The following GALNT16 variants were observed in gnomAD, a reference collection of about 807,000 sequenced individuals.
The protein encoded by GALNT16 is UDP-GalNAc:polypeptide N-acetylgalactosaminyltransferase-like protein 1.
A neutral mutation model predicts 76.1 loss-of-function variants in GALNT16; 40 were observed. The ratio of observed to expected loss-of-function variants is 0.53; its 90% CI spans 0.41 to 0.68. GALNT16 has a LOEUF of 0.68. GALNT16 is among the 30% of genes least tolerant of loss of function. GALNT16 has a pLI of 0.00. For synonymous variants in GALNT16, 276 were observed against 285.2 expected (o/e 0.97, Z 0.32); for missense variants, 621 against 731.9 (o/e 0.85, Z 1.75).
intron 1 of GALNT16, among the ~76,000 whole-genome samples, chr14:69,292,417 A>G (rs932505134): frequency 1.3e-5 from 2 of 152,190 alleles, no homozygotes; most frequent in African/African-American, 4.8e-5. Flanking sequence ...CTCCTAGGAG[A>G]GGAGCCTGAG....
chr14:69,280,194 C>T (rs1425693385), intron 1 of GALNT16, among the ~76,000 whole-genome samples: 9 of 152,274 alleles, frequency 5.9e-5, no homozygotes, highest in African/African-American at 1.7e-4. Context: ...ACACTAACTC[C>T]CCATTTCCCC....
chr14:69,370,457 A>G, the GALNT16 span, among the ~76,000 whole-genome samples: 1 of 152,310 alleles, frequency 6.6e-6, no homozygotes, highest in South Asian at 2.1e-4. Flanking sequence ...TCATGGATGC[A>G]TTGTCAGTCT....
rs1371579330 is a variant in GALNT16, at chr14:69,320,813, C to A, written c.280C>A (p.Leu94Met). 1.9e-6 allele frequency: 3 copies of A among 1,614,202 alleles called. No individual in the cohort carries two copies. In the African/African-American group the frequency reaches 4.0e-5, roughly 22 times the overall value. Residue 94 changes from leucine (L) to methionine (M), a missense_variant, in exon 2 of 15, where the codon CTG (leucine) becomes ATG (methionine). Leu to Met is a conservative substitution (Grantham distance 15). Transcript: ENST00000448469. ...CTACAGACAGCACGCCTTCAACCAG[C>A]TGGAGAGTGACAAGCTGAGCCCAGA... ...DPYRQHAFNQLESDKLSPDRP... is the reference protein window; with the variant it reads ...DPYRQHAFNQMESDKLSPDRP...
intron 1 of GALNT16, among the ~76,000 whole-genome samples, chr14:69,280,648 A>C (rs1235206602): frequency 1.3e-5 from 2 of 152,108 alleles, no homozygotes; most frequent in Non-Finnish European, 2.9e-5. Context: ...TAGCTGGATA[A>C]GGGAGCTGAG....
chr14:69,277,162 C>T (rs1043856417), intron 1 of GALNT16, among the ~76,000 whole-genome samples: 1 of 152,182 alleles, frequency 6.6e-6, no homozygotes, highest in Admixed American at 6.5e-5. Flanking sequence ...GGACAAATGA[C>T]AAATTCTTTT....
chr14:69,303,981 A>C (rs933220152), intron 1 of GALNT16, among the ~76,000 whole-genome samples: 4 of 152,184 alleles, frequency 2.6e-5, no homozygotes, highest in African/African-American at 9.7e-5. Context: ...CATGTTAAAA[A>C]ATGTTGATTT....
Position 69,331,473 on chromosome 14 carries a change from C to G in GALNT16, c.700C>G (p.Arg234Gly), listed in dbSNP as rs543194043. The change falls in exon 7 of 15, where the codon CGC becomes GGC. Residue 234 changes from arginine to glycine, a missense_variant. By Grantham distance (125) the Arg-to-Gly change is moderately radical (BLOSUM62 -2). Transcript: ENST00000448469. Reference sequence around the variant, plus strand: ...CACATCTCTCTCCTAGGACCACACCCGCGTGGTGAGTCCCATCATTGATGT... The same window carrying G: ...CACATCTCTCTCCTAGGACCACACCGGCGTGGTGAGTCCCATCATTGATGT... ...MLQRVKEDHT[R>G]VVSPIIDVIS... 6.3e-7 allele frequency: 1 copy of G among 1,594,872 alleles called. No individual in the cohort carries two copies. The highest frequency in any genetic ancestry group is 8.6e-7 in the Non-Finnish European group (1 of 1,162,664).
intron 1 of GALNT16, among the ~76,000 whole-genome samples, chr14:69,312,019 C>T (rs2045028651): frequency 6.8e-6 from 1 of 147,472 alleles, no homozygotes; most frequent in Non-Finnish European, 1.5e-5. Context: ...CCTAGCGTAA[C>T]ATAGCAAGAT....
chr14:69,331,664 A>T (rs2045354815), intron 7 of GALNT16, 113 bp downstream of exon 7: 10 of 723,404 alleles, frequency 1.4e-5, no homozygotes, highest in Non-Finnish European at 2.3e-5. Context: ...ACCCTCATGA[A>T]CACCCCTTCC....
At position 69,333,708 on chromosome 14, in the gene GALNT16, A is replaced by T. The variant is rs1469050190; in HGVS notation, c.967+108A>T. 3.1e-6 allele frequency: 2 copies of T among 644,962 alleles called. No individual in the cohort carries two copies. The highest frequency in any genetic ancestry group is 5.4e-5 in the Admixed American group (2 of 36,970). 40.0% of individuals were successfully genotyped at this position (644,962 alleles called of 1,614,324 possible). A position where few individuals can be genotyped will look rare whatever the true frequency, so the allele number is the denominator to read the frequency against. ...AGGACCTGCTCTAAGGACTTTACAC[A>T]CATGAGGTCATTTAATTCTCTCAAG... On this transcript the variant is annotated intron_variant, in intron 9 of 14. Coordinates refer to ENST00000448469, the MANE Select transcript of GALNT16 (RefSeq NM_001168368.2). This position sits in a 1 kb window ranked among gnomAD's most constrained non-coding sequence, Gnocchi z 4.2.
In GALNT16 at chr14:69,341,258, T is replaced by C. The variant is rs181108428; in HGVS notation, c.1188-423T>C. ...GATGGCGGTGTCCCAAGGACACATC[T>C]AATGGTTTTATTTGCCAACACATCT... On this transcript the variant is annotated intron_variant, in intron 11 of 14. Coordinates refer to ENST00000448469, the MANE Select transcript of GALNT16 (RefSeq NM_001168368.2). Among the ~76,000 whole-genome samples, 3 of 152,218 alleles carry C rather than the reference T, an allele frequency of 2.0e-5. No individual in the cohort carries two copies. In the East Asian group the frequency reaches 5.8e-4, roughly 29 times the overall value.
chr14:69,347,675 G>C (rs1284847897), intron 13 of GALNT16, among the ~76,000 whole-genome samples: 2 of 152,084 alleles, frequency 1.3e-5, no homozygotes, highest in African/African-American at 4.8e-5. Context: ...CCCCACCCCA[G>C]CATTTTATTA....
chr14:69,339,723 C>T (rs2045462636), intron 11 of GALNT16, 104 bp downstream of exon 11: 3 of 672,436 alleles, frequency 4.5e-6, no homozygotes, highest in African/African-American at 1.8e-5. Flanking sequence ...CGCCACCTCC[C>T]CAGCCACTGA....
the GALNT16 span, among the ~76,000 whole-genome samples, chr14:69,379,814 T>C: frequency 9.2e-5 from 14 of 152,296 alleles, no homozygotes; most frequent in East Asian, 2.7e-3. Flanking sequence ...GAGTACTTCA[T>C]CTGATCAACA....
intron 12 of GALNT16, among the ~76,000 whole-genome samples, chr14:69,342,538 A>C (rs2045507671): frequency 6.9e-6 from 1 of 144,220 alleles, no homozygotes. Flanking sequence ...AGGAAAAGAA[A>C]AGAAAAGGAG....
intron 1 of GALNT16, among the ~76,000 whole-genome samples, chr14:69,279,104 G>A (rs1318660169): frequency 1.3e-5 from 2 of 152,050 alleles, no homozygotes; most frequent in South Asian, 2.1e-4. Context: ...GCTAATTTTT[G>A]TATTTTTAGT....
Position 69,338,781 on chromosome 14 carries a change from G to A in GALNT16, c.1094+4G>A, listed in dbSNP as rs749221397. ...GTAATGCCCTCACCTACATCAGGTA[G>A]GTCACCGAGAAAGGAGCACGGGACT... is the stretch of plus-strand genomic sequence containing the variant. On this transcript the variant is annotated splice_donor_region_variant and intron_variant, in intron 10 of 14. Transcript: ENST00000448469. The A allele has an allele frequency of 3.1e-6, 5 of 1,610,228 alleles. No homozygotes were observed. The highest frequency in any genetic ancestry group is 2.2e-5 in the East Asian group (1 of 44,820).
At chr14:69,365,004 CAGCT>C in the GALNT16 span, among the ~76,000 whole-genome samples, 3 of 152,314 alleles carry the variant, frequency 2.0e-5, no homozygotes, top group Admixed American at 6.5e-5. Context: ...CAAAGTCACA[CAGCT>C]AGGAATGGCA....
upstream of GALNT16, chr14:69,260,136 A>AGGCCCCC: frequency 3.5e-5 from 4 of 113,994 alleles, no homozygotes; most frequent in South Asian, 2.2e-4. Context: ...TCTCCCTATC[A>AGGCCCCC]CCCCCCCGCC....
Sources: gnomAD v4.1 joint callset for allele counts (sites outside exome capture counted in the v4.1 genomes callset) on GRCh38, gnomAD v4.1.1 for gene constraint, Gnocchi (gnomAD v3.1) non-coding constraint, MANE v1.5 for transcripts, NCBI Gene and HGNC (gene_info 2026-07-23, HGNC 2026-07-21) for gene names.